Variants in MAP4K4 observed in about 807,000 individuals in gnomAD.
MAP4K4 encodes the protein mitogen-activated protein kinase kinase kinase kinase 4.
In MAP4K4, 38 loss-of-function variants were observed where a neutral mutation model predicts 189.6. The ratio of observed to expected loss-of-function variants is 0.20; its 90% CI spans 0.15 to 0.26. MAP4K4 has a LOEUF of 0.26. Ranked by LOEUF, MAP4K4 falls within the 10% of genes least tolerant of loss-of-function variation. MAP4K4 has a pLI of 1.00. For missense variants in MAP4K4, 1,054 were observed against 1,726.9 expected (o/e 0.61, Z 6.91); for synonymous variants, 610 against 624.3 (o/e 0.98, Z 0.34).
chr2:101,753,907 A>G (rs147611237), intron 2 of MAP4K4, among the ~76,000 whole-genome samples: 30 of 152,266 alleles, frequency 2.0e-4, no homozygotes, highest in African/African-American at 7.0e-4. Context: ...AGGAACCACT[A>G]AAGTTCAACA....
At chr2:101,873,590 T>C in intron 24 of MAP4K4, 57 bp from the exon 25 acceptor site, 1 of 910,454 alleles carries the variant, frequency 1.1e-6, no homozygotes, top group Non-Finnish European at 1.8e-6. Context: ...ATGTGTATTT[T>C]TAATGTTCAT....
chr2:101,742,335 C>T (rs1051065137), intron 2 of MAP4K4, among the ~76,000 whole-genome samples: 8 of 152,300 alleles, frequency 5.3e-5, no homozygotes, highest in South Asian at 4.1e-4. Context: ...TGGTAACCTA[C>T]GGTGTGTCTT....
chr2:101,700,683 TC>T (rs2037939192), intron 2 of MAP4K4, among the ~76,000 whole-genome samples: 1 of 152,190 alleles, frequency 6.6e-6, no homozygotes, highest in African/African-American at 2.4e-5. Flanking sequence ...TTAGAATGTT[TC>T]TTTTTTACAC....
chr2:101,813,530 G>T (rs1195186204), intron 3 of MAP4K4, among the ~76,000 whole-genome samples: 1 of 152,036 alleles, frequency 6.6e-6, no homozygotes, highest in Non-Finnish European at 1.5e-5. Context: ...AGTCTTTTTG[G>T]TATCTGTGAA....
At chr2:101,734,445 C>T (rs538954277) in intron 2 of MAP4K4, among the ~76,000 whole-genome samples, 3 of 152,276 alleles carry the variant, frequency 2.0e-5, no homozygotes, top group African/African-American at 7.2e-5. Context: ...AGGTAGTTTA[C>T]TTAAAAGATT....
chr2:101,858,683 A>G (rs1245979701), intron 13 of MAP4K4, among the ~76,000 whole-genome samples: 4 of 152,218 alleles, frequency 2.6e-5, no homozygotes, highest in Non-Finnish European at 5.9e-5. Flanking sequence ...GGGTTTACCA[A>G]CCTTAAGAGG....
At chr2:101,874,037 G>A (rs1322265996) in intron 25 of MAP4K4, 45 bp from the exon 26 acceptor site, 1 of 1,329,706 alleles carries the variant, frequency 7.5e-7, no homozygotes, top group African/African-American at 1.4e-5. Flanking sequence ...GGCAGGCATA[G>A]TGTGTGTGTG....
chr2:101,820,923 A>G (rs2096012184), intron 3 of MAP4K4, among the ~76,000 whole-genome samples: 1 of 152,202 alleles, frequency 6.6e-6, no homozygotes, highest in African/African-American at 2.4e-5. Flanking sequence ...TAGGTTTCCT[A>G]CTTTTATTTG....
intron 2 of MAP4K4, among the ~76,000 whole-genome samples, chr2:101,737,443 ATATATATATATATATATATTTTTT>A (rs1302189481): frequency 5.8e-4 from 20 of 34,362 alleles, no homozygotes; most frequent in Non-Finnish European, 7.0e-4. Context: ...ATATATATAT[ATATATATATATATATATATTTTTT>A]TTTTTTTTTT....
intron 3 of MAP4K4, among the ~76,000 whole-genome samples, chr2:101,793,009 T>C (rs1271271198): frequency 1.3e-5 from 2 of 152,208 alleles, no homozygotes; most frequent in Admixed American, 1.3e-4. Flanking sequence ...AACATAGCTA[T>C]AAAATACATA....
At chr2:101,776,363 A>G (rs1055534831) in intron 2 of MAP4K4, among the ~76,000 whole-genome samples, 1 of 152,138 alleles carries the variant, frequency 6.6e-6, no homozygotes, top group Admixed American at 6.5e-5. Flanking sequence ...ATTCTGAGCG[A>G]TAAGGCCTGT....
At chr2:101,860,177 C>T (rs1423175519) in intron 15 of MAP4K4, 6 of 416,420 alleles carry the variant, frequency 1.4e-5, no homozygotes, top group Non-Finnish European at 2.2e-5. Flanking sequence ...AAAGAGTGGT[C>T]TGATGAACTA....
chr2:101,748,207 ATAGTC>A (rs1460880025), intron 2 of MAP4K4, among the ~76,000 whole-genome samples: 1 of 152,236 alleles, frequency 6.6e-6, no homozygotes, highest in African/African-American at 2.4e-5. Flanking sequence ...CTTCTGAAGA[ATAGTC>A]TAAAGTTTAC....
intron 26 of MAP4K4, 131 bp downstream of exon 26, chr2:101,874,383 T>C: frequency 1.3e-6 from 1 of 753,522 alleles, no homozygotes; most frequent in Non-Finnish European, 2.1e-6. Context: ...CATCTCCTGT[T>C]ATATGCAGAG....
At chr2:101,705,160 TA>T (rs2041625330) in intron 2 of MAP4K4, among the ~76,000 whole-genome samples, 1 of 152,188 alleles carries the variant, frequency 6.6e-6, no homozygotes, top group Non-Finnish European at 1.5e-5. Context: ...TAGGTATAAC[TA>T]AATTGGGGAG....
rs1186298769 is a variant in MAP4K4 at position 101,765,382 on chromosome 2, T to G, written c.124-25338T>G. Among the ~76,000 whole-genome samples, 5 of 152,186 alleles carry G rather than the reference T, an allele frequency of 3.3e-5. No individual in the cohort carries two copies. The East Asian group carries it at 9.6e-4, about 29-fold the overall frequency. ...TTGTGTGTTTGTTTTGAGCCTGGAG[T>G]GCAGGGGCGCAATCACGGCTCTCTG... On this transcript the variant is annotated intron_variant, in intron 2 of 32. Transcript: ENST00000324219.
intron 2 of MAP4K4, among the ~76,000 whole-genome samples, chr2:101,781,531 G>A (rs1386045446): frequency 2.0e-5 from 3 of 152,074 alleles, no homozygotes; most frequent in African/African-American, 7.2e-5. Context: ...GGAAGGCATC[G>A]CATGGTGAGA....
intron 2 of MAP4K4, among the ~76,000 whole-genome samples, chr2:101,707,355 C>T (rs1346178611): frequency 1.3e-5 from 2 of 151,384 alleles, no homozygotes; most frequent in African/African-American, 4.9e-5. Context: ...ACTGCAGGTG[C>T]GGACCACCAT....
intron 3 of MAP4K4, among the ~76,000 whole-genome samples, chr2:101,807,186 G>C (rs1455003447): frequency 2.6e-5 from 4 of 151,746 alleles, no homozygotes; most frequent in Non-Finnish European, 5.9e-5. Flanking sequence ...GATTAGCTGG[G>C]GTTATAGGTG....
Sources: gnomAD v4.1 joint callset for allele counts (sites outside exome capture counted in the v4.1 genomes callset) on GRCh38, gnomAD v4.1.1 for gene constraint, MANE v1.5 for transcripts, NCBI Gene and HGNC (gene_info 2026-07-23, HGNC 2026-07-21) for gene names.